THSD7A: variants seen among roughly 807,000 people sequenced by gnomAD.
THSD7A encodes the protein thrombospondin type 1 domain containing 7A.
Under a neutral mutation model 231.3 loss-of-function variants are expected in THSD7A, and 96 were observed. The ratio of observed to expected loss-of-function variants is 0.41; its 90% CI spans 0.35 to 0.49. The LOEUF is 0.49. Among genes scored for constraint, THSD7A ranks in the 20% least tolerant of loss-of-function variants. The pLI is 0.05. For missense variants in THSD7A, 2,290 were observed against 2,070.2 expected (o/e 1.11, Z -2.06); for synonymous variants, 940 against 743.3 (o/e 1.26, Z -4.30).
At chr7:11,452,161 A>C (rs1207346421) in intron 11 of THSD7A, among the ~76,000 whole-genome samples, 1 of 152,024 alleles carries the variant, frequency 6.6e-6, no homozygotes, top group Non-Finnish European at 1.5e-5. Context: ...TGATCAGCTC[A>C]TTAAGTAATT....
chr7:11,530,428 G>T (rs922625630), intron 6 of THSD7A, among the ~76,000 whole-genome samples: 1 of 152,130 alleles, frequency 6.6e-6, no homozygotes, highest in African/African-American at 2.4e-5. Context: ...AAAGGAATTA[G>T]TTATGGTTCA....
intron 6 of THSD7A, among the ~76,000 whole-genome samples, chr7:11,526,567 G>T (rs1461256879): frequency 6.6e-6 from 1 of 152,196 alleles, no homozygotes; most frequent in Non-Finnish European, 1.5e-5. Flanking sequence ...AACATAGCAG[G>T]CATAACCATG....
intron 1 of THSD7A, among the ~76,000 whole-genome samples, chr7:11,823,833 A>G (rs1361043897): frequency 6.6e-6 from 1 of 151,998 alleles, no homozygotes; most frequent in East Asian, 1.9e-4. Flanking sequence ...GTTTGGGTAC[A>G]TAGGAACTAC....
chr7:11,403,994 G>A (rs978704030), intron 22 of THSD7A, among the ~76,000 whole-genome samples: 1 of 152,070 alleles, frequency 6.6e-6, no homozygotes, highest in African/African-American at 2.4e-5. Context: ...AGCAAGAGAG[G>A]AACTGAAATG....
intron 1 of THSD7A, among the ~76,000 whole-genome samples, chr7:11,771,303 G>A (rs6963282): frequency 2.1e-4 from 32 of 151,668 alleles, no homozygotes; most frequent in African/African-American, 3.6e-4. Flanking sequence ...TGATCACAAC[G>A]ATCAATAATC....
intron 4 of THSD7A, among the ~76,000 whole-genome samples, chr7:11,568,025 TTCTAA>T (rs1273994213): frequency 6.6e-6 from 1 of 152,220 alleles, no homozygotes; most frequent in Non-Finnish European, 1.5e-5. Flanking sequence ...TTTTGTTGAC[TTCTAA>T]TCTACTATAG....
At chr7:11,485,223 T>C (rs1481426898) in intron 6 of THSD7A, among the ~76,000 whole-genome samples, 2 of 152,090 alleles carry the variant, frequency 1.3e-5, no homozygotes, top group Admixed American at 6.6e-5. Context: ...CCAGGTAATT[T>C]CTATGCATAT....
intron 6 of THSD7A, among the ~76,000 whole-genome samples, chr7:11,504,361 T>C (rs1787460041): frequency 6.6e-6 from 1 of 152,150 alleles, no homozygotes; most frequent in Admixed American, 6.6e-5. Context: ...TATGGGGTAC[T>C]GAGCTTAATA....
chr7:11,677,655 A>T (rs900928472), intron 1 of THSD7A, among the ~76,000 whole-genome samples: 1 of 150,776 alleles, frequency 6.6e-6, no homozygotes. Flanking sequence ...AAGACTTTAA[A>T]CCAACAAAGA....
intron 11 of THSD7A, among the ~76,000 whole-genome samples, chr7:11,455,881 T>A (rs1785291342): frequency 6.6e-6 from 1 of 152,056 alleles, no homozygotes; most frequent in African/African-American, 2.4e-5. Flanking sequence ...TTTTGAAATA[T>A]GTCATCACAG....
intron 6 of THSD7A, among the ~76,000 whole-genome samples, chr7:11,499,988 CAAG>C (rs1271088377): frequency 1.3e-5 from 2 of 152,232 alleles, no homozygotes; most frequent in South Asian, 2.1e-4. Context: ...AGATTCTTCA[CAAG>C]AAGATCATCC....
At chr7:11,429,511 T>A (rs189006785) in intron 13 of THSD7A, among the ~76,000 whole-genome samples, 1 of 152,334 alleles carries the variant, frequency 6.6e-6, no homozygotes, top group Admixed American at 6.5e-5. Context: ...GTCACACAAG[T>A]TCAGGGTTCT....
chr7:11,523,030 C>T (rs1054239643), intron 6 of THSD7A, among the ~76,000 whole-genome samples: 11 of 152,106 alleles, frequency 7.2e-5, no homozygotes, highest in African/African-American at 2.7e-4. Context: ...TATGTCCACA[C>T]TACAAAGTTA....
chr7:11,448,502 T>G (rs924297771), intron 11 of THSD7A, among the ~76,000 whole-genome samples: 10 of 152,136 alleles, frequency 6.6e-5, no homozygotes, highest in Non-Finnish European at 1.3e-4. Context: ...AGGCTGAAAC[T>G]GCCGCTGATC....
intron 7 of THSD7A, among the ~76,000 whole-genome samples, chr7:11,479,337 T>C (rs1786328467): frequency 6.6e-6 from 1 of 152,202 alleles, no homozygotes; most frequent in Admixed American, 6.5e-5. Flanking sequence ...AATCCAGATC[T>C]ACTTTTCGCA....
chr7:11,769,153 A>ATATATTTTTTTTTT, intron 1 of THSD7A, among the ~76,000 whole-genome samples: 3 of 27,648 alleles, frequency 1.1e-4, no homozygotes, highest in African/African-American at 2.5e-4. Context: ...ATATATATAT[A>ATATATTTTTTTTTT]TTTTTTTTTT....
intron 1 of THSD7A, among the ~76,000 whole-genome samples, chr7:11,673,929 C>A (rs985633929): frequency 2.6e-4 from 40 of 152,056 alleles, no homozygotes; most frequent in Admixed American, 7.2e-4. Context: ...AAAGCCCAGG[C>A]TGGAGAAGTC....
intron 1 of THSD7A, among the ~76,000 whole-genome samples, chr7:11,694,475 C>CT (rs1780328531): frequency 6.6e-6 from 1 of 151,474 alleles, no homozygotes; most frequent in Non-Finnish European, 1.5e-5. Flanking sequence ...AAACAGATGA[C>CT]CAAGATTATT....
At position 11,456,487 on chromosome 7, in the gene THSD7A, T is replaced by C. The variant is rs557370076; in HGVS notation, c.2605+4175A>G. 9.2e-5 allele frequency among the ~76,000 whole-genome samples: 14 copies of C among 152,192 alleles called. No individual in the cohort carries two copies. In the East Asian group the frequency reaches 2.3e-3, roughly 25 times the overall value. On this transcript the variant is annotated intron_variant, in intron 11 of 27. Coordinates refer to ENST00000423059, the MANE Select transcript of THSD7A (RefSeq NM_015204.3). ...ATAAAATAGTTCTTTTATTGCTGAATTGAATTTGTATACATCTTCCCAACT... is the reference window on the plus strand; with the variant it reads ...ATAAAATAGTTCTTTTATTGCTGAACTGAATTTGTATACATCTTCCCAACT...
Sources: gnomAD v4.1 joint callset for allele counts (sites outside exome capture counted in the v4.1 genomes callset) on GRCh38, gnomAD v4.1.1 for gene constraint, MANE v1.5 for transcripts, NCBI Gene and HGNC (gene_info 2026-07-23, HGNC 2026-07-21) for gene names.